Variants in SORCS2 observed in about 807,000 individuals in gnomAD.
The protein encoded by SORCS2 is VPS10 domain-containing receptor SorCS2.
In SORCS2, 100 loss-of-function variants were observed where a neutral mutation model predicts 141.6. That is an observed-to-expected ratio of 0.71 (90% confidence interval 0.60 to 0.83). The LOEUF (loss-of-function observed/expected upper bound fraction) is 0.83, where lower values mean the gene tolerates loss of function less well. Ranked by LOEUF, SORCS2 falls within the 40% of genes least tolerant of loss-of-function variation. The probability of loss-of-function intolerance (pLI) is 0.00; values close to 1 mark genes in which losing one functional copy is unlikely to be tolerated. For missense variants in SORCS2, 1,646 were observed against 1,560.2 expected (o/e 1.05, Z -0.93); for synonymous variants, 789 against 676.9 (o/e 1.17, Z -2.57).
At chr4:7,426,172 G>A (rs4025904) in intron 2 of SORCS2, among the ~76,000 whole-genome samples, 11,079 of 152,296 alleles carry the variant, frequency 0.073, 543 homozygotes, top group East Asian at 0.22. Flanking sequence ...AAGGTGGGGA[G>A]GCCGGGAGTT....
At chr4:7,606,320 C>G (rs984498374) in intron 3 of SORCS2, among the ~76,000 whole-genome samples, 1 of 152,078 alleles carries the variant, frequency 6.6e-6, no homozygotes, top group Non-Finnish European at 1.5e-5. Flanking sequence ...TCCACTCAAA[C>G]CCATTTGACT....
intron 7 of SORCS2, 111 bp from the exon 8 acceptor site, chr4:7,667,013 A>T: frequency 2.1e-6 from 2 of 967,798 alleles, no homozygotes; most frequent in Non-Finnish European, 1.6e-6. Flanking sequence ...GGTAGAAGGA[A>T]AGTAAAAGGG....
At position 7,494,004 on chromosome 4, in the gene SORCS2, AACACACACACACATTCAC is replaced by A. The variant is rs377750287; in HGVS notation, c.549-37514_549-37497del. ...ACAGACAGCAAGACCTATACACACA[AACACACACACACATTCAC>A]ACACACACACAGACACACACACATA... On this transcript the variant is annotated intron_variant, in intron 2 of 26. Coordinates refer to ENST00000507866, the MANE Select transcript of SORCS2 (RefSeq NM_020777.3). Among the ~76,000 whole-genome samples, 1,371 of 149,508 alleles carry A rather than the reference AACACACACACACATTCAC, an allele frequency of 9.2e-3. 22 individuals are homozygous for A. The highest frequency in any genetic ancestry group is 0.032 in the African/African-American group (1,311 of 40,784).
Position 7,292,071 on chromosome 4 carries a change from C to T in SORCS2, c.480+98945C>T, listed in dbSNP as rs143867304. Among the ~76,000 whole-genome samples, 460 of 152,356 alleles carry T rather than the reference C, an allele frequency of 3.0e-3. 1 individual carries two copies. Among genetic ancestry groups the T allele is most frequent in the Non-Finnish European group, 5.4e-3 (369 of 68,028 alleles). ...GAGGGGACCGTCATGGGAAACCAGA[C>T]CAGCCTCACAGAAACTGAGCTCGGC... On this transcript the variant is annotated intron_variant, in intron 1 of 26. Transcript: ENST00000507866.
chr4:7,520,333 C>T (rs1022365346), intron 2 of SORCS2, among the ~76,000 whole-genome samples: 1 of 152,198 alleles, frequency 6.6e-6, no homozygotes, highest in African/African-American at 2.4e-5. Context: ...CTCATGCAGT[C>T]AGTGAGACAC....
In SORCS2 at chr4:7,704,221, C is replaced by T; in HGVS notation, c.1805C>T (p.Thr602Ile). The change falls in exon 14 of 27, where the codon ACC becomes ATC. Residue 602 changes from threonine (T) to isoleucine (I), a missense_variant. By Grantham distance (89) the Thr-to-Ile change is moderately conservative (BLOSUM62 -1). Coordinates refer to ENST00000507866, the MANE Select transcript of SORCS2 (RefSeq NM_020777.3). ...CTCACCTGGAGCACGCACAACTTCA[C>T]CAGCACCTCGGTGTTTGTGGACGGG... ...EGLTWSTHNF[T>I]STSVFVDGLL... 1 of 1,613,286 alleles carries T rather than the reference C, an allele frequency of 6.2e-7. No individual in the cohort carries two copies. The highest frequency in any genetic ancestry group is 8.5e-7 in the Non-Finnish European group (1 of 1,179,708).
intron 9 of SORCS2, among the ~76,000 whole-genome samples, chr4:7,681,540 C>T (rs1392322387): frequency 2.0e-5 from 3 of 152,240 alleles, no homozygotes; most frequent in Non-Finnish European, 4.4e-5. Flanking sequence ...TGCGATTCCA[C>T]TGACACTTAA....
At chr4:7,672,510 T>C (rs1203673842) in intron 8 of SORCS2, among the ~76,000 whole-genome samples, 1 of 152,196 alleles carries the variant, frequency 6.6e-6, no homozygotes, top group Non-Finnish European at 1.5e-5. Context: ...TTTCCAAAAT[T>C]ACTCATTTAA....
intron 8 of SORCS2, among the ~76,000 whole-genome samples, chr4:7,670,228 C>T (rs1455733446): frequency 6.6e-6 from 1 of 152,190 alleles, no homozygotes; most frequent in Non-Finnish European, 1.5e-5. Flanking sequence ...TACCGTCCTG[C>T]TGTTTTAATT....
intron 2 of SORCS2, among the ~76,000 whole-genome samples, chr4:7,487,598 C>T (rs1731069077): frequency 6.6e-6 from 1 of 152,332 alleles, no homozygotes; most frequent in South Asian, 2.1e-4. Flanking sequence ...GCACTTCTAC[C>T]ATCTGGGGAT....
chr4:7,463,153 C>G (rs1392397691), intron 2 of SORCS2, among the ~76,000 whole-genome samples: 1 of 152,152 alleles, frequency 6.6e-6, no homozygotes, highest in Non-Finnish European at 1.5e-5. Flanking sequence ...GGCCAGGGAG[C>G]CTGGCCCCGA....
intron 26 of SORCS2, among the ~76,000 whole-genome samples, chr4:7,738,242 G>A (rs1406642660): frequency 6.6e-6 from 1 of 152,266 alleles, no homozygotes; most frequent in East Asian, 1.9e-4. Context: ...GGGAGCCTGT[G>A]CTGCCAGGGC....
chr4:7,459,348 A>G (rs1729139846), intron 2 of SORCS2, among the ~76,000 whole-genome samples: 1 of 152,112 alleles, frequency 6.6e-6, no homozygotes, highest in South Asian at 2.1e-4. Context: ...CTAGGGAGAC[A>G]TGAGGTGGGG....
chr4:7,725,628 G>A (rs991985100), intron 20 of SORCS2, among the ~76,000 whole-genome samples: 2 of 152,232 alleles, frequency 1.3e-5, no homozygotes, highest in Non-Finnish European at 2.9e-5. Context: ...AGCATTTGCA[G>A]TGAGAGGCTC....
Position 7,237,759 on chromosome 4 carries a change from A to T in SORCS2, c.480+44633A>T, listed in dbSNP as rs56805819. 5.9e-3 allele frequency among the ~76,000 whole-genome samples: 894 copies of T among 152,120 alleles called. 12 individuals are homozygous for T. The highest frequency in any genetic ancestry group is 0.02 in the African/African-American group (815 of 41,498). On this transcript the variant is annotated intron_variant, in intron 1 of 26. Transcript: ENST00000507866. ...GGCCATGAGTTTACGTCAGATCCTG[A>T]TTGACAAAGCTCTTTGGAACAGGCA...
intron 1 of SORCS2, among the ~76,000 whole-genome samples, chr4:7,308,692 C>T (rs1717992246): frequency 6.6e-6 from 1 of 152,172 alleles, no homozygotes; most frequent in Non-Finnish European, 1.5e-5. Flanking sequence ...TTCACTCCCC[C>T]TCTTCCCACC....
intron 9 of SORCS2, among the ~76,000 whole-genome samples, chr4:7,680,016 T>G (rs1723417301): frequency 6.6e-6 from 1 of 152,144 alleles, no homozygotes; most frequent in South Asian, 2.1e-4. Flanking sequence ...CAGAAAGGCA[T>G]CTGCACCAAG....
At position 7,664,546 on chromosome 4, in the gene SORCS2, C is replaced by A. The variant is rs2108925085; in HGVS notation, c.1071+75C>A. ...GATGACCCGTTCGCGGCAAAAATGG[C>A]ATCGCTCAGAAAAGAGGCAATAAAA... On this transcript the variant is annotated intron_variant, in intron 7 of 26. Transcript: ENST00000507866. This position sits in a 1 kb window ranked among gnomAD's most constrained non-coding sequence, Gnocchi z 4.7. 9.4e-7 allele frequency: 1 copy of A among 1,064,018 alleles called. No homozygotes were observed. Among genetic ancestry groups the A allele is most frequent in the Non-Finnish European group, 1.4e-6 (1 of 722,310 alleles). The allele number at this position is 1,064,018 out of a possible 1,614,324, so 65.9% of individuals were successfully genotyped here.
At chr4:7,735,304 C>G (rs1712078689) in intron 25 of SORCS2, 1 of 154,528 alleles carries the variant, frequency 6.5e-6, no homozygotes, top group Non-Finnish European at 1.5e-5. Context: ...TTCCCCGATG[C>G]CAAGCCCCAG....
Sources: allele counts gnomAD v4.1 joint callset (sites outside exome capture counted in the v4.1 genomes callset), GRCh38; gene constraint gnomAD v4.1.1; non-coding constraint Gnocchi (gnomAD v3.1); transcripts MANE v1.5; gene names NCBI Gene and HGNC (gene_info 2026-07-23, HGNC 2026-07-21).